MGAT4C: variants seen among roughly 807,000 people sequenced by gnomAD.
MGAT4C encodes the protein alpha-1,3-mannosyl-glycoprotein 4-beta-N-acetylglucosaminyltransferase C.
MGAT4C carries 19 observed loss-of-function variants against 40.1 expected under a neutral mutation model. That is an observed-to-expected ratio of 0.47 (90% CI 0.33 to 0.70). The LOEUF (loss-of-function observed/expected upper bound fraction) is 0.70, where lower values mean the gene tolerates loss of function less well. Ranked by LOEUF, MGAT4C falls within the 30% of genes least tolerant of loss-of-function variation. The pLI is 0.02. For synonymous variants in MGAT4C, 181 were observed against 187.1 expected (o/e 0.97, Z 0.27); for missense variants, 491 against 563.2 (o/e 0.87, Z 1.30).
intron 1 of MGAT4C, among the ~76,000 whole-genome samples, chr12:86,069,433 T>C (rs1259617898): frequency 6.6e-6 from 1 of 152,068 alleles, no homozygotes; most frequent in East Asian, 1.9e-4. Flanking sequence ...TATGTGTGAG[T>C]TTTAGATTTT....
intron 2 of MGAT4C, among the ~76,000 whole-genome samples, chr12:86,567,929 T>G (rs2136418025): frequency 6.6e-6 from 1 of 152,282 alleles, no homozygotes; most frequent in South Asian, 2.1e-4. Context: ...AGCACTTAGG[T>G]TAAAGATTAG....
chr12:86,325,319 A>T (rs922054747), intron 4 of MGAT4C, among the ~76,000 whole-genome samples: 144 of 152,318 alleles, frequency 9.5e-4, no homozygotes, highest in African/African-American at 3.2e-3. Flanking sequence ...ATCATTGTAT[A>T]TTCCAGCAGC....
chr12:86,206,161 T>C (rs143155596), intron 1 of MGAT4C, among the ~76,000 whole-genome samples: 1 of 152,234 alleles, frequency 6.6e-6, no homozygotes, highest in African/African-American at 2.4e-5. Context: ...TTAATTAATG[T>C]AAATTCCAGT....
At chr12:86,611,823 A>G (rs532832308) in intron 2 of MGAT4C, among the ~76,000 whole-genome samples, 2 of 152,334 alleles carry the variant, frequency 1.3e-5, no homozygotes, top group African/African-American at 2.4e-5. Context: ...ACCATTTAGA[A>G]TGCAACTGTT....
At chr12:86,226,857 C>T (rs566668167) in intron 1 of MGAT4C, among the ~76,000 whole-genome samples, 4 of 151,978 alleles carry the variant, frequency 2.6e-5, no homozygotes, top group South Asian at 4.1e-4. Context: ...TAATGTTTCT[C>T]GAAAAAGAAC....
intron 1 of MGAT4C, among the ~76,000 whole-genome samples, chr12:86,157,783 C>A (rs1489323404): frequency 6.6e-6 from 1 of 152,030 alleles, no homozygotes; most frequent in Non-Finnish European, 1.5e-5. Context: ...AACCAGATAT[C>A]CTGAGAACTT....
At chr12:86,090,617 T>C (rs1245158385) in intron 1 of MGAT4C, among the ~76,000 whole-genome samples, 1 of 151,876 alleles carries the variant, frequency 6.6e-6, no homozygotes, top group Non-Finnish European at 1.5e-5. Flanking sequence ...TCTATGTATT[T>C]TTTCCAGAGT....
intron 1 of MGAT4C, among the ~76,000 whole-genome samples, chr12:86,252,700 A>G (rs1244146167): frequency 6.7e-6 from 1 of 149,546 alleles, no homozygotes; most frequent in Non-Finnish European, 1.5e-5. Context: ...TAAGTTTTTA[A>G]TTAAAATAAA....
intron 1 of MGAT4C, among the ~76,000 whole-genome samples, chr12:86,771,799 C>T (rs1456196947): frequency 6.6e-6 from 1 of 151,564 alleles, no homozygotes; most frequent in African/African-American, 2.4e-5. Flanking sequence ...AGAAACATTA[C>T]TGAAACTGGA....
At chr12:85,987,145 T>A (rs1265171027) in intron 3 of MGAT4C, among the ~76,000 whole-genome samples, 1 of 78,638 alleles carries the variant, frequency 1.3e-5, no homozygotes, top group African/African-American at 4.5e-5. Flanking sequence ...TTTTTTTTTT[T>A]TTTTTTTTTG....
chr12:86,013,227 T>C (rs557447530), intron 2 of MGAT4C, among the ~76,000 whole-genome samples: 66 of 152,258 alleles, frequency 4.3e-4, no homozygotes, highest in Non-Finnish European at 7.3e-4. Context: ...AATATAAACA[T>C]TGAAATTATT....
chr12:86,329,939 T>C (rs542817045), intron 4 of MGAT4C, among the ~76,000 whole-genome samples: 9 of 152,356 alleles, frequency 5.9e-5, no homozygotes, highest in Admixed American at 1.3e-4. Context: ...TAGGTGTTTG[T>C]GTGTTTCTTT....
At chr12:86,204,401 T>A (rs1950176198) in intron 1 of MGAT4C, among the ~76,000 whole-genome samples, 1 of 152,044 alleles carries the variant, frequency 6.6e-6, no homozygotes, top group Admixed American at 6.6e-5. Context: ...AAGATAAAAA[T>A]AACTGCTGCA....
At chr12:85,994,989 T>G (rs1047657075) in intron 2 of MGAT4C, among the ~76,000 whole-genome samples, 2 of 152,232 alleles carry the variant, frequency 1.3e-5, no homozygotes, top group African/African-American at 4.8e-5. Flanking sequence ...TTGCTACTAC[T>G]GAAGGTGAAA....
chr12:86,638,107 T>A (rs907610428), intron 2 of MGAT4C, among the ~76,000 whole-genome samples: 1 of 101,032 alleles, frequency 9.9e-6, no homozygotes, highest in Non-Finnish European at 2.3e-5. Context: ...ACCTGTTAAT[T>A]TTTATCTAAC....
rs1593085705 is a variant in MGAT4C at position 86,656,833 on chromosome 12, A to C, written c.-229+70376T>G. On this transcript the variant is annotated intron_variant, in intron 2 of 7. Coordinates refer to the MGAT4C transcript ENST00000548651. Reference sequence around the variant, plus strand: ...AATTTAACTAACACATTTCTAATTAATTGACTTCCTCATAAATAGAGCTTC... The same window carrying C: ...AATTTAACTAACACATTTCTAATTACTTGACTTCCTCATAAATAGAGCTTC... 2.0e-5 allele frequency among the ~76,000 whole-genome samples: 3 copies of C among 152,190 alleles called. 1 individual carries two copies. In the Middle Eastern group the frequency reaches 0.01, roughly 518 times the overall value.
intron 4 of MGAT4C, among the ~76,000 whole-genome samples, chr12:86,289,310 C>G (rs536631826): frequency 2.6e-4 from 40 of 152,212 alleles, no homozygotes; most frequent in Non-Finnish European, 5.1e-4. Flanking sequence ...GTTACTGTTG[C>G]CTTGTAGTAT....
intron 3 of MGAT4C, among the ~76,000 whole-genome samples, chr12:86,383,092 A>G (rs1190928720): frequency 2.6e-5 from 4 of 152,184 alleles, no homozygotes; most frequent in African/African-American, 7.2e-5. Flanking sequence ...TTTCTTGAAA[A>G]GCTACAGACA....
chr12:86,374,172 T>C (rs1258046733), intron 3 of MGAT4C, among the ~76,000 whole-genome samples: 1 of 152,100 alleles, frequency 6.6e-6, no homozygotes, highest in African/African-American at 2.4e-5. Flanking sequence ...TGTTTAGCTG[T>C]AGTGCAAGTA....
Sources: allele counts gnomAD v4.1 joint callset (sites outside exome capture counted in the v4.1 genomes callset), GRCh38; gene constraint gnomAD v4.1.1; transcripts MANE v1.5; gene names NCBI Gene and HGNC (gene_info 2026-07-23, HGNC 2026-07-21).